Variants in ZSCAN18 observed in about 807,000 individuals in gnomAD.
ZSCAN18 encodes zinc finger and SCAN domain containing 18, also known as zinc finger and SCAN domain-containing protein 18.
In ZSCAN18, 16 loss-of-function variants were observed where a neutral mutation model predicts 31.1. That is an observed-to-expected ratio of 0.51 (90% CI 0.35 to 0.78). The LOEUF is 0.78. Ranked by LOEUF, ZSCAN18 falls within the 30% of genes least tolerant of loss-of-function variation. The pLI is 0.01. For missense variants in ZSCAN18, 731 were observed against 697.4 expected, an observed-to-expected ratio of 1.05 and a Z score of -0.54; for synonymous variants, 375 against 320.7, an observed-to-expected ratio of 1.17 and a Z score of -1.81.
chr19:58,084,659 C>A lies in ZSCAN18; in HGVS notation c.*26G>T. On this transcript the variant is annotated 3_prime_UTR_variant, in exon 7 of 7. Coordinates refer to ENST00000601144, the MANE Select transcript of ZSCAN18 (RefSeq NM_001145543.2). This position sits in a 1 kb window ranked among gnomAD's most constrained non-coding sequence, Gnocchi z 4.5. ...GGGATTCACGGCCGGCAAAGCGGCCCCTCCGGAACGGGACAGCACAGCGGC... is the reference window on the plus strand; with the variant it reads ...GGGATTCACGGCCGGCAAAGCGGCCACTCCGGAACGGGACAGCACAGCGGC... 2 of 1,448,722 alleles carry A rather than the reference C, an allele frequency of 1.4e-6. No individual in the cohort carries two copies. The highest frequency in any genetic ancestry group is 1.8e-6 in the Non-Finnish European group (2 of 1,107,654). 89.7% of individuals were successfully genotyped at this position (1,448,722 alleles called of 1,614,324 possible).
At chr19:58,093,713 C>G (rs918327416) in intron 1 of ZSCAN18, among the ~76,000 whole-genome samples, 1 of 152,200 alleles carries the variant, frequency 6.6e-6, no homozygotes, top group Non-Finnish European at 1.5e-5. Flanking sequence ...TCTTTTCACT[C>G]CACGCTGTCT....
chr19:58,098,305 C>A, upstream of ZSCAN18: 1 of 985,470 alleles, frequency 1.0e-6, no homozygotes, highest in Non-Finnish European at 1.2e-6. Context: ...GGCTGTGCCG[C>A]GCACCGGGGC....
rs1223186493 is a variant in ZSCAN18, at chr19:58,088,687, C to T, written c.553+1G>A. 1.9e-6 allele frequency: 3 copies of T among 1,607,980 alleles called. No individual in the cohort carries two copies. Among genetic ancestry groups the T allele is most frequent in the Non-Finnish European group, 2.5e-6 (3 of 1,179,770 alleles). On this transcript the variant is annotated splice_donor_variant, in intron 3 of 6. Coordinates refer to ENST00000601144, the MANE Select transcript of ZSCAN18 (RefSeq NM_001145543.2). LOFTEE classifies it high-confidence loss of function. ...GGCTGCCAGGCTAGCTGGGCACTCA[C>T]GTGTCTCAGAAGGTGCCGGGATCTC...
At chr19:58,099,092 G>A (rs1463455993), upstream of ZSCAN18, among the ~76,000 whole-genome samples, 4 of 152,134 alleles carry the variant, frequency 2.6e-5, no homozygotes, top group African/African-American at 9.7e-5. Context: ...TCGTTTTTGT[G>A]TGAACTGATT....
rs1458600530 is a variant in ZSCAN18 at position 58,084,983 on chromosome 19, G to A, written c.1235C>T (p.Pro412Leu). The A allele has an allele frequency of 6.3e-7, 1 of 1,597,728 alleles. No homozygotes were observed. Among genetic ancestry groups the A allele is most frequent in the Non-Finnish European group, 8.5e-7 (1 of 1,173,452 alleles). The change falls in exon 7 of 7, where the codon CCC becomes CTC. Residue 412 changes from proline to leucine, a missense_variant. Pro to Leu is a moderately conservative substitution (Grantham distance 98). This residue lies in a region of ZSCAN18 where 597 missense variants were observed against 499.5 expected (regional missense o/e 1.20). Transcript: ENST00000601144. This position sits in a 1 kb window ranked among gnomAD's most constrained non-coding sequence, Gnocchi z 4.5. ...CTCCCCGCACTCGCCGCAGGCATAG[G>A]GCTTCCCGCGGGACAAGCCCGGCTC... The part of the protein sequence containing the change: ...ADEPGLSRGK[P>L]YACGECGEAF...
intron 1 of ZSCAN18, chr19:58,108,143 G>A (rs1336861716): frequency 5.1e-6 from 5 of 986,854 alleles, no homozygotes; most frequent in African/African-American, 1.7e-5. Context: ...GACTGTTGTG[G>A]TTGGAGAATT....
chr19:58,088,553 G>T, intron 3 of ZSCAN18, 135 bp downstream of exon 3: 1 of 806,164 alleles, frequency 1.2e-6, no homozygotes, highest in South Asian at 1.8e-5. Context: ...AACTACAGGA[G>T]GAAGTCCCAA....
chr19:58,085,119 G>C lies in ZSCAN18; in HGVS notation c.1099C>G (p.Leu367Val). 1 of 1,607,654 alleles carries C rather than the reference G, an allele frequency of 6.2e-7. No individual in the cohort carries two copies. Among genetic ancestry groups the C allele is most frequent in the Non-Finnish European group, 8.5e-7 (1 of 1,177,166 alleles). The change falls in exon 7 of 7, where the codon CTG (leucine) becomes GTG (valine). Residue 367 changes from leucine (L) to valine (V), a missense_variant. Around this residue, in one of 4 missense-constraint regions of ZSCAN18, gnomAD observed 597 missense variants for 499.5 expected, o/e 1.20. Coordinates refer to ENST00000601144, the MANE Select transcript of ZSCAN18 (RefSeq NM_001145543.2). ...TCGGGGTGCGGCCTCTTGGTTCCCA[G>C]TTTCGCCGTGCCCCTGTCCGGGGCA... ...QPAPDRGTAK[L>V]GTKRPHPEDG...
At position 58,084,246 on chromosome 19, in the gene ZSCAN18, A is replaced by G. The variant is rs1226387380; in HGVS notation, c.*439T>C. ...TTAGAAGTGAAGTTGACATCACGCCAAGTACGAAAAGGCTAAACAGCTGAC... is the reference window on the plus strand; with the variant it reads ...TTAGAAGTGAAGTTGACATCACGCCGAGTACGAAAAGGCTAAACAGCTGAC... On this transcript the variant is annotated 3_prime_UTR_variant, in exon 7 of 7. Transcript: ENST00000601144. The surrounding 1 kb of genome is among the most constrained non-coding windows in gnomAD (Gnocchi z 4.5). 1 of 158,468 alleles carries G rather than the reference A, an allele frequency of 6.3e-6. No individual in the cohort carries two copies. The highest frequency in any genetic ancestry group is 1.4e-5 in the Non-Finnish European group (1 of 72,376). 9.8% of individuals were successfully genotyped at this position (158,468 alleles called of 1,614,324 possible).
intron 1 of ZSCAN18, among the ~76,000 whole-genome samples, chr19:58,096,641 T>C (rs1175051386): frequency 1.3e-5 from 2 of 152,134 alleles, no homozygotes; most frequent in African/African-American, 4.8e-5. Flanking sequence ...GGAATATTCA[T>C]CGCAGCTCTC....
chr19:58,092,662 A>G (rs1395574468), intron 1 of ZSCAN18: 26 of 983,004 alleles, frequency 2.6e-5, no homozygotes, highest in Non-Finnish European at 2.8e-5. Context: ...TTTAAAGGGA[A>G]GTGCGGAACT....
At chr19:58,107,359 C>A (rs2074642658) in intron 1 of ZSCAN18, among the ~76,000 whole-genome samples, 2 of 151,778 alleles carry the variant, frequency 1.3e-5, no homozygotes, top group Non-Finnish European at 2.9e-5. Context: ...GAGTTCAAGA[C>A]CAGCCTGACC....
chr19:58,098,333 C>G (rs372215849), upstream of ZSCAN18: 986 of 985,466 alleles, frequency 1.0e-3, 10 homozygotes, highest in African/African-American at 0.015. Context: ...GGAGCCGTGA[C>G]AGGTGACAGT....
At chr19:58,113,613 CT>C (rs910649286) in intron 1 of ZSCAN18, among the ~76,000 whole-genome samples, 11 of 152,118 alleles carry the variant, frequency 7.2e-5, no homozygotes, top group Non-Finnish European at 1.3e-4. Flanking sequence ...TGACTTTTCT[CT>C]TTGACTAAAT....
upstream of ZSCAN18, among the ~76,000 whole-genome samples, chr19:58,099,281 C>G (rs1391646505): frequency 3.9e-5 from 6 of 152,132 alleles, no homozygotes; most frequent in Admixed American, 3.9e-4. Context: ...ACCCATAACC[C>G]CAGGAACAGC....
chr19:58,101,125 CTTTTTT>C (rs71188077), upstream of ZSCAN18, among the ~76,000 whole-genome samples: 1,020 of 127,254 alleles, frequency 8.0e-3, 10 homozygotes, highest in African/African-American at 0.028. Context: ...ATTCCTCCCA[CTTTTTT>C]TTTTTTTTTT....
upstream of ZSCAN18, among the ~76,000 whole-genome samples, chr19:58,100,239 G>A (rs7250715): frequency 0.18 from 27,728 of 152,002 alleles, 2,818 homozygotes; most frequent in Non-Finnish European, 0.24. Flanking sequence ...ACAGGCATGA[G>A]CCACCATGCC....
At chr19:58,102,215 T>G (rs1463683786), upstream of ZSCAN18, among the ~76,000 whole-genome samples, 1 of 152,022 alleles carries the variant, frequency 6.6e-6, no homozygotes, top group Non-Finnish European at 1.5e-5. Context: ...TCCCAGCAAT[T>G]TGGGAGGCCG....
chr19:58,113,627 G>A (rs2074706131), intron 1 of ZSCAN18, among the ~76,000 whole-genome samples: 1 of 152,266 alleles, frequency 6.6e-6, no homozygotes, highest in South Asian at 2.1e-4. Context: ...GACTAAATGA[G>A]TTTGGAGTCC....
Sources: allele counts gnomAD v4.1 joint callset (sites outside exome capture counted in the v4.1 genomes callset), GRCh38; gene constraint gnomAD v4.1.1; regional missense constraint gnomAD v4.1.1; non-coding constraint Gnocchi (gnomAD v3.1); transcripts MANE v1.5; gene names NCBI Gene and HGNC (gene_info 2026-07-23, HGNC 2026-07-21).